The following SERP2 variants were observed in gnomAD, a reference collection of about 807,000 sequenced individuals.
The protein encoded by SERP2 is stress-associated endoplasmic reticulum protein 2.
In SERP2, 6 loss-of-function variants were observed where a neutral mutation model predicts 9.1. That is an observed-to-expected ratio of 0.66 (90% CI 0.36 to 1.30). The LOEUF (loss-of-function observed/expected upper bound fraction) is 1.30. Among genes scored for constraint, SERP2 ranks in the 50% most tolerant of loss-of-function variants. The probability of loss-of-function intolerance (pLI) is 0.03; values close to 1 mark genes in which losing one functional copy is unlikely to be tolerated. For synonymous variants in SERP2, 37 were observed against 27.3 expected, an observed-to-expected ratio of 1.35 and a Z score of -1.10; for missense variants, 58 against 81.9, an observed-to-expected ratio of 0.71 and a Z score of 1.13.
intron 2 of SERP2, among the ~76,000 whole-genome samples, chr13:44,386,289 A>G (rs1289154145): frequency 2.0e-5 from 3 of 152,256 alleles, no homozygotes; most frequent in African/African-American, 7.2e-5. Context: ...TATGAGATAC[A>G]AAAGCTTTGG....
chr13:44,374,251 G>A, intron 1 of SERP2, 142 bp downstream of exon 1: 1 of 540,322 alleles, frequency 1.9e-6, no homozygotes, highest in Non-Finnish European at 3.0e-6. Context: ...GTCCTGCAGA[G>A]TGGGGGCTGA....
At chr13:44,393,211 G>A (rs1468823634) in intron 2 of SERP2, among the ~76,000 whole-genome samples, 1 of 152,142 alleles carries the variant, frequency 6.6e-6, no homozygotes, top group Non-Finnish European at 1.5e-5. Context: ...GAGAATAGCA[G>A]GTAAGAGAGT....
At chr13:44,381,939 T>C (rs1872003289) in intron 2 of SERP2, among the ~76,000 whole-genome samples, 1 of 152,166 alleles carries the variant, frequency 6.6e-6, no homozygotes, top group African/African-American at 2.4e-5. Flanking sequence ...TGTTTATTTT[T>C]CATTAAATTT....
intron 2 of SERP2, among the ~76,000 whole-genome samples, chr13:44,396,773 T>TA (rs147719408): frequency 0.014 from 2,090 of 152,288 alleles, 45 homozygotes; most frequent in Admixed American, 0.041. Flanking sequence ...AGCTGGAAGA[T>TA]ACTCACGCAT....
intron 2 of SERP2, chr13:44,390,587 C>T (rs2281848): frequency 0.96 from 327,134 of 342,328 alleles, 156,925 homozygotes; most frequent in Non-Finnish European, 1. Context: ...AGGTGACCTG[C>T]AGCCTCCTTT....
chr13:44,374,600 GGCC>G (rs1566088774), intron 1 of SERP2, among the ~76,000 whole-genome samples: 1 of 152,158 alleles, frequency 6.6e-6, no homozygotes, highest in Non-Finnish European at 1.5e-5. Flanking sequence ...GCTAAATGGA[GGCC>G]ACTTGTCATC....
chr13:44,374,549 T>C (rs1298010611), intron 1 of SERP2, among the ~76,000 whole-genome samples: 3 of 152,142 alleles, frequency 2.0e-5, no homozygotes, highest in African/African-American at 2.4e-5. Context: ...TGGAACCTAG[T>C]ATGTTCTAGA....
chr13:44,376,909 T>C (rs866864959), intron 1 of SERP2, among the ~76,000 whole-genome samples: 2 of 152,228 alleles, frequency 1.3e-5, no homozygotes, highest in African/African-American at 4.8e-5. Context: ...GGGAAAGCCA[T>C]TCCCTGACAT....
chr13:44,374,149 C>A, intron 1 of SERP2, 40 bp downstream of exon 1: 2 of 1,348,646 alleles, frequency 1.5e-6, no homozygotes, highest in Non-Finnish European at 1.0e-6. Context: ...AGCCCTGCAG[C>A]CCGGCGGGGT....
In SERP2 at chr13:44,397,577, CTGTT is replaced by C; in HGVS notation, c.*267_*270del. 2 of 540,200 alleles carry C rather than the reference CTGTT, an allele frequency of 3.7e-6. No individual in the cohort carries two copies. Among genetic ancestry groups the C allele is most frequent in the Non-Finnish European group, 6.7e-6 (2 of 300,470 alleles). The allele number at this position is 540,200 out of a possible 1,614,324, so 33.5% of individuals were successfully genotyped here. ...GCCACGCGGGTCGTCCGCAGCAGTG[CTGTT>C]TTTTTGGTTTTTCCCTTGGTTTCAC... On this transcript the variant is annotated 3_prime_UTR_variant, in exon 3 of 3. Transcript: ENST00000379179.
intron 1 of SERP2, among the ~76,000 whole-genome samples, chr13:44,377,408 G>A (rs546437229): frequency 1.3e-5 from 2 of 152,354 alleles, no homozygotes; most frequent in Admixed American, 6.5e-5. Flanking sequence ...GGTGGTGGAA[G>A]AGGGTGGGAA....
intron 1 of SERP2, among the ~76,000 whole-genome samples, chr13:44,376,602 C>A (rs1871665285): frequency 6.6e-6 from 1 of 151,982 alleles, no homozygotes; most frequent in South Asian, 2.1e-4. Context: ...TGGCACAACC[C>A]CGTATCTACT....
intron 2 of SERP2, among the ~76,000 whole-genome samples, chr13:44,392,947 T>C (rs1308685159): frequency 6.6e-6 from 1 of 152,146 alleles, no homozygotes; most frequent in Non-Finnish European, 1.5e-5. Flanking sequence ...AAGTGGATTG[T>C]TTCCTCTAAA....
In SERP2 at chr13:44,373,899, G is replaced by T; in HGVS notation, c.-127G>T. The T allele has an allele frequency of 1.3e-6, 1 of 799,592 alleles. No homozygotes were observed. Among genetic ancestry groups the T allele is most frequent in the Non-Finnish European group, 2.0e-6 (1 of 499,852 alleles). The allele number at this position is 799,592 out of a possible 1,614,324, so 49.5% of individuals were successfully genotyped here. Reference sequence around the variant, plus strand: ...GGGAGCGGGGTGCGCAGGGCTCGGGGCCACGCCTTGCCACCTGCAGCGCCC... The same window carrying T: ...GGGAGCGGGGTGCGCAGGGCTCGGGTCCACGCCTTGCCACCTGCAGCGCCC... On this transcript the variant is annotated 5_prime_UTR_variant, in exon 1 of 3. Coordinates refer to ENST00000379179, the MANE Select transcript of SERP2 (RefSeq NM_001010897.3). This position sits in a 1 kb window ranked among gnomAD's most constrained non-coding sequence, Gnocchi z 4.8.
At chr13:44,396,662 G>T (rs983140621) in intron 2 of SERP2, among the ~76,000 whole-genome samples, 3 of 152,254 alleles carry the variant, frequency 2.0e-5, no homozygotes, top group African/African-American at 7.2e-5. Context: ...GGGCTTACAA[G>T]CTACCCACCC....
chr13:44,384,465 G>T (rs529361997), intron 2 of SERP2, among the ~76,000 whole-genome samples: 1 of 152,116 alleles, frequency 6.6e-6, no homozygotes, highest in Non-Finnish European at 1.5e-5. Context: ...TCGGTGGTCT[G>T]TCTCACCTCT....
chr13:44,374,522 T>G (rs1410795456), intron 1 of SERP2, among the ~76,000 whole-genome samples: 1 of 152,134 alleles, frequency 6.6e-6, no homozygotes, highest in African/African-American at 2.4e-5. Flanking sequence ...TTCTAGAACG[T>G]TGCATGACAC....
intron 2 of SERP2, among the ~76,000 whole-genome samples, chr13:44,394,085 G>A (rs1201936006): frequency 6.6e-6 from 1 of 152,172 alleles, no homozygotes; most frequent in Non-Finnish European, 1.5e-5. Context: ...TTTAATATCA[G>A]TGTCGCTGTT....
intron 1 of SERP2, among the ~76,000 whole-genome samples, chr13:44,376,798 T>C (rs1486811612): frequency 6.6e-6 from 1 of 151,132 alleles, no homozygotes; most frequent in Non-Finnish European, 1.5e-5. Context: ...AACAGAGAAA[T>C]GGAATAATCA....
Sources: allele counts gnomAD v4.1 joint callset (sites outside exome capture counted in the v4.1 genomes callset), GRCh38; gene constraint gnomAD v4.1.1; non-coding constraint Gnocchi (gnomAD v3.1); transcripts MANE v1.5; gene names NCBI Gene and HGNC (gene_info 2026-07-23, HGNC 2026-07-21).